The following DYRK4 variants were observed in gnomAD, a reference collection of about 807,000 sequenced individuals.
The protein encoded by DYRK4 is dual specificity tyrosine phosphorylation regulated kinase 4, also known as dual specificity tyrosine-phosphorylation-regulated kinase 4.
DYRK4 carries 64 observed loss-of-function variants against 68.3 expected under a neutral mutation model. That is an observed-to-expected ratio of 0.94 (90% CI 0.77 to 1.15). DYRK4 has a LOEUF of 1.15. DYRK4 is among the 50% of genes most tolerant of loss of function. DYRK4 has a pLI of 0.00. For synonymous variants in DYRK4, 274 were observed against 289.9 expected (o/e 0.95, Z 0.56); for missense variants, 740 against 764.7 (o/e 0.97, Z 0.38).
chr12:4,584,390 G>A (rs58651942), intron 2 of DYRK4, among the ~76,000 whole-genome samples: 3 of 152,166 alleles, frequency 2.0e-5, no homozygotes, highest in African/African-American at 7.2e-5. Context: ...AGGTGTTGCC[G>A]GAAGAATCTT....
chr12:4,562,312 G>C, intron 1 of DYRK4, 29 bp downstream of exon 1: 1 of 1,529,866 alleles, frequency 6.5e-7, no homozygotes, highest in South Asian at 1.2e-5. Context: ...CGTACTTCAC[G>C]AGCAGTCAGG....
Position 4,605,096 on chromosome 12 carries a change from G to C in DYRK4, c.1299+10G>C. The C allele has an allele frequency of 6.2e-7, 1 of 1,608,204 alleles. No individual in the cohort carries two copies. Among genetic ancestry groups the C allele is most frequent in the Non-Finnish European group, 8.5e-7 (1 of 1,176,638 alleles). ...GGCCTGCATCATGGAGGTACGCGGA[G>C]GGCTGGCGGTCGGCTCCCACGGAGA... On this transcript the variant is annotated intron_variant, in intron 11 of 14. Transcript: ENST00000543431.
chr12:4,604,604 T>G (rs1373791949), intron 10 of DYRK4, among the ~76,000 whole-genome samples: 3 of 152,330 alleles, frequency 2.0e-5, no homozygotes, highest in Middle Eastern at 6.8e-3. Flanking sequence ...GTTTGAAAAC[T>G]TAGTCTTATA....
chr12:4,607,316 T>C lies in DYRK4; in HGVS notation c.1300-11T>C, dbSNP rs373848550. 5.0e-6 allele frequency: 8 copies of C among 1,614,072 alleles called. No individual in the cohort carries two copies. The African/African-American group carries it at 9.3e-5, about 19-fold the overall frequency. On this transcript the variant is annotated splice_polypyrimidine_tract_variant and intron_variant, in intron 11 of 14. Transcript: ENST00000543431. Reference sequence around the variant, plus strand: ...CACAAAGAATGAACCAATTGAATTATCCTTATTAAGGTGCTGGGTCTGCCG... The same window carrying C: ...CACAAAGAATGAACCAATTGAATTACCCTTATTAAGGTGCTGGGTCTGCCG...
At chr12:4,595,782 G>A (rs1209523107) in intron 6 of DYRK4, among the ~76,000 whole-genome samples, 4 of 152,164 alleles carry the variant, frequency 2.6e-5, no homozygotes, top group Admixed American at 6.5e-5. Context: ...TTTCAGGGCC[G>A]CTTTTTCCAA....
rs1944925112 is a variant in DYRK4, at chr12:4,588,949, C to T, written c.145C>T (p.Leu49Phe). 1 of 1,536,074 alleles carries T rather than the reference C, an allele frequency of 6.5e-7. No individual in the cohort carries two copies. The highest frequency in any genetic ancestry group is 8.7e-7 in the Non-Finnish European group (1 of 1,146,882). ...CCACTTGATCCAGGTTGGAAGTAAA[C>T]TTTCGGTTCAGATCCAGAAGCCACC... is the stretch of plus-strand genomic sequence containing the variant. ...KFTSAKVGSK[L>F]SVQIQKPPSN... Residue 49 changes from leucine (L) to phenylalanine (F), a missense_variant, in exon 3 of 15, where the codon CTT becomes TTT. By Grantham distance (22) the Leu-to-Phe change is conservative. Around this residue, in one of 3 missense-constraint regions of DYRK4, gnomAD observed 70 missense variants for 71.1 expected, o/e 0.98. Coordinates refer to ENST00000543431, the MANE Select transcript of DYRK4 (RefSeq NM_001394779.1).
chr12:4,601,745 T>G lies in DYRK4; in HGVS notation c.1126+1957T>G, dbSNP rs148549838. On this transcript the variant is annotated intron_variant, in intron 10 of 14. Transcript: ENST00000543431. ...TTTTTTTAGTAAGGATATGGATGATTTTCAAAATTTTCTCTTGGATTTTCA... is the reference window on the plus strand; with the variant it reads ...TTTTTTTAGTAAGGATATGGATGATGTTCAAAATTTTCTCTTGGATTTTCA... Among the ~76,000 whole-genome samples, 541 of 152,314 alleles carry G rather than the reference T, an allele frequency of 3.6e-3. 3 individuals are homozygous for G. The highest frequency in any genetic ancestry group is 0.012 in the African/African-American group (491 of 41,572).
chr12:4,564,419 C>G (rs941593513), intron 1 of DYRK4: 1 of 152,174 alleles, frequency 6.6e-6, no homozygotes, highest in Admixed American at 6.5e-5. Flanking sequence ...CACTGCCATA[C>G]TTTCTGCCCC....
In DYRK4 at chr12:4,596,277, C is replaced by G; in HGVS notation, c.756C>G (p.Asn252Lys). Residue 252 changes from asparagine (N) to lysine (K), a missense_variant, in exon 7 of 15, where the codon AAC (asparagine) becomes AAG (lysine). Asn to Lys is a moderately conservative substitution (Grantham distance 94). Transcript: ENST00000543431. ...TGGTGGCCCTGAAAATCATCAGGAA[C>G]AAGAAGAGGTGTGGCTTGGGGATGA... is the stretch of plus-strand genomic sequence containing the variant. ...NELVALKIIR[N>K]KKRFHQQALM... The G allele has an allele frequency of 6.2e-7, 1 of 1,614,140 alleles. No individual in the cohort carries two copies. Among genetic ancestry groups the G allele is most frequent in the Non-Finnish European group, 8.5e-7 (1 of 1,180,026 alleles).
At chr12:4,598,891 A>C (rs1159013497) in intron 8 of DYRK4, 137 bp from the exon 9 acceptor site, 1 of 938,776 alleles carries the variant, frequency 1.1e-6, no homozygotes, top group African/African-American at 1.6e-5. Context: ...CTATAAGGGC[A>C]TGAAAGCCTT....
intron 2 of DYRK4, among the ~76,000 whole-genome samples, chr12:4,577,045 C>CT (rs1437875395): frequency 6.6e-6 from 1 of 152,084 alleles, no homozygotes; most frequent in African/African-American, 2.4e-5. Context: ...CATGATCGTG[C>CT]TTTTTTATTG....
rs777575378 is a variant in DYRK4, at chr12:4,605,034, AC to A, written c.1252del (p.Leu418CysfsTer45). On this transcript the variant is annotated frameshift_variant, in exon 11 of 15. Transcript: ENST00000543431. LOFTEE classifies it high-confidence loss of function. ...ATCACGGCGGAGTTGTACACGGGCT[AC>A]CCCCTGTTCCCCGGGGAGAATGAGG... The part of the protein sequence containing the change: ...GCITAELYTG[Y>X]PLFPGENEVE... The A allele has an allele frequency of 2.5e-6, 4 of 1,613,886 alleles. No homozygotes were observed. Among genetic ancestry groups the A allele is most frequent in the Admixed American group, 3.3e-5 (2 of 60,010 alleles).
chr12:4,612,808 C>T, intron 14 of DYRK4, 90 bp downstream of exon 14: 1 of 1,402,200 alleles, frequency 7.1e-7, no homozygotes, highest in Non-Finnish European at 1.0e-6. Context: ...ATTTTTGAAG[C>T]CCCAGTTCTG....
At position 4,591,269 on chromosome 12, in the gene DYRK4, A is replaced by G; in HGVS notation, c.434A>G (p.Lys145Arg). 1 of 1,614,120 alleles carries G rather than the reference A, an allele frequency of 6.2e-7. No homozygotes were observed. The highest frequency in any genetic ancestry group is 8.5e-7 in the Non-Finnish European group (1 of 1,180,008). ...CCCAAGGCAGAGGAGAAGTCACCAA[A>G]GAAGCAAAAGGTGACTCTGACAGCG... ...QDPKAEEKSP[K>R]KQKVTLTAAE... Residue 145 changes from lysine (K) to arginine (R), a missense_variant, in exon 5 of 15, where the codon AAG becomes AGG. Around this residue, in one of 3 missense-constraint regions of DYRK4, gnomAD observed 614 missense variants for 603.7 expected, o/e 1.02. Transcript: ENST00000543431. This position sits in a 1 kb window ranked among gnomAD's most constrained non-coding sequence, Gnocchi z 4.1.
chr12:4,587,063 C>T (rs773855289), intron 2 of DYRK4, among the ~76,000 whole-genome samples: 4 of 152,036 alleles, frequency 2.6e-5, no homozygotes, highest in Non-Finnish European at 4.4e-5. Flanking sequence ...TATCACATTG[C>T]TGCTGATGGG....
chr12:4,566,456 C>T (rs1944677907), intron 1 of DYRK4, among the ~76,000 whole-genome samples: 1 of 152,226 alleles, frequency 6.6e-6, no homozygotes, highest in Non-Finnish European at 1.5e-5. Flanking sequence ...CTGCTCTGCT[C>T]ATTCTTCAGA....
At chr12:4,595,306 C>T (rs868215694) in intron 6 of DYRK4, among the ~76,000 whole-genome samples, 1 of 152,184 alleles carries the variant, frequency 6.6e-6, no homozygotes, top group Admixed American at 6.5e-5. Context: ...AATCCTTCAC[C>T]TCTCCCAAAC....
intron 2 of DYRK4, among the ~76,000 whole-genome samples, chr12:4,568,318 ATG>A (rs1448608932): frequency 6.6e-6 from 1 of 152,122 alleles, no homozygotes; most frequent in Non-Finnish European, 1.5e-5. Flanking sequence ...TGCTGTATAT[ATG>A]TGAGATCCTA....
intron 1 of DYRK4, among the ~76,000 whole-genome samples, chr12:4,565,973 A>G (rs1944672345): frequency 6.6e-6 from 1 of 152,202 alleles, no homozygotes; most frequent in African/African-American, 2.4e-5. Context: ...AAGTAAAGGA[A>G]GGCAACACTC....
Sources: gnomAD v4.1 joint callset for allele counts (sites outside exome capture counted in the v4.1 genomes callset) on GRCh38, gnomAD v4.1.1 for gene constraint, gnomAD v4.1.1 regional missense constraint, Gnocchi (gnomAD v3.1) non-coding constraint, MANE v1.5 for transcripts, NCBI Gene and HGNC (gene_info 2026-07-23, HGNC 2026-07-21) for gene names.